Variants in GTF2IRD1 observed in about 807,000 individuals in gnomAD.
GTF2IRD1 encodes the protein general transcription factor II-I repeat domain-containing protein 1.
In GTF2IRD1, 26 loss-of-function variants were observed where a neutral mutation model predicts 113.2. The observed-to-expected ratio is 0.23, with a 90% CI of 0.17 to 0.32. The LOEUF (loss-of-function observed/expected upper bound fraction) is 0.32, where lower values mean the gene tolerates loss of function less well. Ranked by LOEUF, GTF2IRD1 falls within the 10% of genes least tolerant of loss-of-function variation. GTF2IRD1 has a pLI of 1.00. For synonymous variants in GTF2IRD1, 484 were observed against 529.1 expected (o/e 0.91, Z 1.17); for missense variants, 864 against 1,280.8 (o/e 0.67, Z 4.97).
chr7:74,538,769 CG>C lies in GTF2IRD1; in HGVS notation c.1528+12del. 6.8e-7 allele frequency: 1 copy of C among 1,470,206 alleles called. No individual in the cohort carries two copies. Among genetic ancestry groups the C allele is most frequent in the Non-Finnish European group, 9.5e-7 (1 of 1,048,980 alleles). 91.1% of individuals were successfully genotyped at this position (1,470,206 alleles called of 1,614,324 possible). A position where few individuals can be genotyped will look rare whatever the true frequency, so the allele number is the denominator to read the frequency against. ...TCAGGTCACCGTCCCAGGTAAGGGA[CG>C]GGCATCTGACCACCCCCTGCAGAAA... On this transcript the variant is annotated intron_variant, in intron 13 of 26. Coordinates refer to ENST00000424337, the MANE Select transcript of GTF2IRD1 (RefSeq NM_005685.4).
At chr7:74,523,210 C>T (rs893744764) in intron 7 of GTF2IRD1, among the ~76,000 whole-genome samples, 4 of 152,020 alleles carry the variant, frequency 2.6e-5, no homozygotes, top group African/African-American at 9.7e-5. Flanking sequence ...CAGAGTGAGA[C>T]CCTGTCTGTA....
At chr7:74,474,031 C>A (rs1554333016) in intron 1 of GTF2IRD1, among the ~76,000 whole-genome samples, 1 of 151,532 alleles carries the variant, frequency 6.6e-6, no homozygotes, top group South Asian at 2.1e-4. Flanking sequence ...CGAGACCAGG[C>A]TGGCCAACGT....
At chr7:74,559,138 T>C (rs1799794240) in intron 21 of GTF2IRD1, 94 bp downstream of exon 21, 3 of 1,178,632 alleles carry the variant, frequency 2.5e-6, no homozygotes, top group Non-Finnish European at 2.4e-6. Context: ...GGTCCTGCCC[T>C]CCCCCCTGGA....
chr7:74,550,428 A>G (rs1338183291), intron 17 of GTF2IRD1, among the ~76,000 whole-genome samples: 4 of 61,272 alleles, frequency 6.5e-5, no homozygotes, highest in South Asian at 3.6e-4. Flanking sequence ...ATCTCTAGGG[A>G]AAAAAAAAAA....
At position 74,548,233 on chromosome 7, in the gene GTF2IRD1, C is replaced by T. The variant is rs587765527; in HGVS notation, c.1916+947C>T. Among the ~76,000 whole-genome samples the T allele has an allele frequency of 4.3e-4, 65 of 151,682 alleles. No homozygotes were observed. In the East Asian group the frequency reaches 5.8e-3, roughly 14 times the overall value. The stretch of plus-strand genomic sequence containing the variant: ...GAGATCGAGACCATCCTGGCTAACA[C>T]GGTGAAACCCCGTCTCTACTAAAAA... On this transcript the variant is annotated intron_variant, in intron 17 of 26. Transcript: ENST00000424337.
chr7:74,594,908 C>T lies in GTF2IRD1; in HGVS notation c.2592-106C>T, dbSNP rs111664413. On this transcript the variant is annotated intron_variant, in intron 24 of 26. Transcript: ENST00000424337. ...TGGAGGCTGCAGTGAGCTGAAATTG[C>T]GCCACTGCACTTCAGCCTGGGCAAC... 6.7e-4 allele frequency: 438 copies of T among 653,956 alleles called. 1 individual carries two copies. The highest frequency in any genetic ancestry group is 8.5e-4 in the Non-Finnish European group (316 of 371,038). The allele number at this position is 653,956 out of a possible 1,614,324, so 40.5% of individuals were successfully genotyped here.
At chr7:74,509,294 T>G (rs1469391786) in intron 2 of GTF2IRD1, among the ~76,000 whole-genome samples, 2 of 151,720 alleles carry the variant, frequency 1.3e-5, no homozygotes, top group East Asian at 3.9e-4. Context: ...GAAGTGGAGG[T>G]TGCAGTGAGA....
chr7:74,516,061 G>A (rs947980925), intron 4 of GTF2IRD1, among the ~76,000 whole-genome samples: 3 of 152,206 alleles, frequency 2.0e-5, no homozygotes, highest in Non-Finnish European at 4.4e-5. Context: ...CCCACTAGGT[G>A]ACAGGGCCCT....
rs188902128 is a variant in GTF2IRD1 at position 74,480,230 on chromosome 7, G to A, written c.-7+26054G>A. On this transcript the variant is annotated intron_variant, in intron 1 of 26. Transcript: ENST00000424337. ...TCCTTCAAGGGCAGGAGCACCTGCTGTTGGGCCCTGTGCGGTGTGGGACAC... is the reference window on the plus strand; with the variant it reads ...TCCTTCAAGGGCAGGAGCACCTGCTATTGGGCCCTGTGCGGTGTGGGACAC... Among the ~76,000 whole-genome samples the A allele has an allele frequency of 6.6e-5, 10 of 152,012 alleles. No individual in the cohort carries two copies. In the East Asian group the frequency reaches 1.5e-3, roughly 24 times the overall value.
rs587632314 is a variant in GTF2IRD1, at chr7:74,593,664, C to A, written c.2592-1350C>A. ...AGGAGAATGGCATGAACCTGGGAGGCGGAGCTTGCAGTGAGCCAAGATAGT... is the reference window on the plus strand; with the variant it reads ...AGGAGAATGGCATGAACCTGGGAGGAGGAGCTTGCAGTGAGCCAAGATAGT... On this transcript the variant is annotated intron_variant, in intron 24 of 26. Coordinates refer to ENST00000424337, the MANE Select transcript of GTF2IRD1 (RefSeq NM_005685.4). Among the ~76,000 whole-genome samples, 18 of 144,456 alleles carry A rather than the reference C, an allele frequency of 1.2e-4. No homozygotes were observed. In the East Asian group the frequency reaches 2.3e-3, roughly 18 times the overall value. 94.8% of individuals were successfully genotyped at this position (144,456 alleles called of 152,430 possible).
intron 1 of GTF2IRD1, among the ~76,000 whole-genome samples, chr7:74,499,463 AAAG>A (rs1465261840): frequency 7.2e-5 from 11 of 152,104 alleles, no homozygotes; most frequent in Non-Finnish European, 1.6e-4. Context: ...GGAAGGAAGG[AAAG>A]AAGGAAGGAA....
chr7:74,468,077 A>T (rs1266457676), intron 1 of GTF2IRD1, among the ~76,000 whole-genome samples: 1 of 152,100 alleles, frequency 6.6e-6, no homozygotes, highest in Non-Finnish European at 1.5e-5. Context: ...ACTAGCCTGG[A>T]GCTTTACTCC....
intron 24 of GTF2IRD1, among the ~76,000 whole-genome samples, chr7:74,594,198 CA>C (rs1219538320): frequency 2.5e-3 from 339 of 137,776 alleles, no homozygotes; most frequent in Middle Eastern, 3.8e-3. Context: ...GACTCCGTCT[CA>C]AAAAAAAAAA....
intron 5 of GTF2IRD1, 103 bp downstream of exon 5, chr7:74,518,425 G>T (rs1360520215): frequency 3.5e-6 from 3 of 865,526 alleles, no homozygotes; most frequent in Admixed American, 5.9e-5. Context: ...GACTTGAGAT[G>T]CCCGTGGGGG....
At chr7:74,493,421 C>T (rs1554337233) in intron 1 of GTF2IRD1, among the ~76,000 whole-genome samples, 1 of 152,036 alleles carries the variant, frequency 6.6e-6, no homozygotes, top group African/African-American at 2.4e-5. Context: ...ATGACCTCTT[C>T]TTATAAGGAT....
intron 22 of GTF2IRD1, among the ~76,000 whole-genome samples, chr7:74,561,553 T>C (rs1583891548): frequency 6.8e-6 from 1 of 147,172 alleles, no homozygotes; most frequent in Non-Finnish European, 1.5e-5. Context: ...ACGGCAGGGG[T>C]TGGGGGGTCA....
Position 74,504,799 on chromosome 7 carries a change from C to T in GTF2IRD1, c.-6-3276C>T, listed in dbSNP as rs181999736. On this transcript the variant is annotated intron_variant, in intron 1 of 26. Transcript: ENST00000424337. ...CTCGGCTCACTGCAACCTCCACCGC[C>T]GGGGTTCCAGCGATTCTCCTGCCTC... is the stretch of plus-strand genomic sequence containing the variant. 1.5e-3 allele frequency among the ~76,000 whole-genome samples: 228 copies of T among 151,002 alleles called. 1 individual carries two copies. Among genetic ancestry groups the T allele is most frequent in the Middle Eastern group, 3.4e-3 (1 of 292 alleles).
chr7:74,485,865 G>A (rs908166336), intron 1 of GTF2IRD1, among the ~76,000 whole-genome samples: 1 of 152,056 alleles, frequency 6.6e-6, no homozygotes, highest in Non-Finnish European at 1.5e-5. Flanking sequence ...AGGTGGGGCT[G>A]CAGTGAGCTA....
intron 22 of GTF2IRD1, among the ~76,000 whole-genome samples, chr7:74,584,247 T>C (rs2130960025): frequency 6.6e-6 from 1 of 152,148 alleles, no homozygotes; most frequent in South Asian, 2.1e-4. Flanking sequence ...AGTTCGAGAC[T>C]GGCCTGGGCA....
Sources: allele counts gnomAD v4.1 joint callset (sites outside exome capture counted in the v4.1 genomes callset), GRCh38; gene constraint gnomAD v4.1.1; transcripts MANE v1.5; gene names NCBI Gene and HGNC (gene_info 2026-07-23, HGNC 2026-07-21).